The following SAMTOR variants were observed in gnomAD, a reference collection of about 807,000 sequenced individuals.
SAMTOR encodes the protein S-adenosylmethionine sensor upstream of mTORC1, also known as UPF0532 protein C7orf60.
chr7:112,929,499 A>G, the SAMTOR span, among the ~76,000 whole-genome samples: 5 of 152,010 alleles, frequency 3.3e-5, no homozygotes, highest in Non-Finnish European at 5.9e-5. Context: ...GGGTATGTAA[A>G]TTAGTACAGC....
At chr7:112,890,555 G>A in the SAMTOR span, among the ~76,000 whole-genome samples, 1 of 151,564 alleles carries the variant, frequency 6.6e-6, no homozygotes, top group Non-Finnish European at 1.5e-5. Flanking sequence ...CCATACTCAG[G>A]GGAAAAAAAG....
the SAMTOR span, among the ~76,000 whole-genome samples, chr7:112,894,163 A>AAG: frequency 5.5e-5 from 8 of 146,154 alleles, no homozygotes; most frequent in South Asian, 1.9e-3. Flanking sequence ...GGTGAAGGGA[A>AAG]AGAGAGAGAG....
At chr7:112,930,189 G>A in the SAMTOR span, among the ~76,000 whole-genome samples, 1 of 152,162 alleles carries the variant, frequency 6.6e-6, no homozygotes, top group African/African-American at 2.4e-5. Flanking sequence ...ATGACTAAGT[G>A]CAAACAAGTT....
the SAMTOR span, among the ~76,000 whole-genome samples, chr7:112,899,961 AAC>A: frequency 6.6e-6 from 1 of 152,186 alleles, no homozygotes; most frequent in Admixed American, 6.5e-5. Flanking sequence ...AAAGGATGCT[AAC>A]ACACAATAAG....
At chr7:112,931,920 CTTT>C in the SAMTOR span, among the ~76,000 whole-genome samples, 48 of 142,420 alleles carry the variant, frequency 3.4e-4, no homozygotes, top group African/African-American at 1.2e-3. Context: ...AAAACTATTA[CTTT>C]TTTTTTTTTT....
chr7:112,877,918 C>G, the SAMTOR span, among the ~76,000 whole-genome samples: 2 of 152,170 alleles, frequency 1.3e-5, no homozygotes, highest in Non-Finnish European at 2.9e-5. Context: ...TTCCCAGAAG[C>G]TGAGCAATGT....
At chr7:112,849,336 G>A in the SAMTOR span, among the ~76,000 whole-genome samples, 1 of 152,016 alleles carries the variant, frequency 6.6e-6, no homozygotes, top group Non-Finnish European at 1.5e-5. Flanking sequence ...AGTAAAAAAA[G>A]GCTCTGGAGA....
chr7:112,824,640 C>T, the SAMTOR span, among the ~76,000 whole-genome samples: 8 of 152,102 alleles, frequency 5.3e-5, no homozygotes, highest in Admixed American at 2.0e-4. Context: ...GGATTACAGG[C>T]ATGATCCACC....
the SAMTOR span, among the ~76,000 whole-genome samples, chr7:112,874,640 C>T: frequency 6.6e-6 from 1 of 152,070 alleles, no homozygotes; most frequent in Admixed American, 6.6e-5. Context: ...AAAAATAAAG[C>T]AACCAAGAGT....
At chr7:112,832,162 C>T in the SAMTOR span, among the ~76,000 whole-genome samples, 2 of 152,018 alleles carry the variant, frequency 1.3e-5, no homozygotes, top group African/African-American at 4.8e-5. Context: ...TGGGCGCTTG[C>T]CACCACGCCC....
the SAMTOR span, among the ~76,000 whole-genome samples, chr7:112,929,812 T>G: frequency 6.6e-6 from 1 of 152,082 alleles, no homozygotes; most frequent in African/African-American, 2.4e-5. Context: ...TTTACAGAGA[T>G]GCATGCATTG....
chr7:112,933,270 T>C, the SAMTOR span, among the ~76,000 whole-genome samples: 1,622 of 152,294 alleles, frequency 0.011, 30 homozygotes, highest in African/African-American at 0.037. Context: ...ATGAGATTGC[T>C]CTAGGAAATT....
the SAMTOR span, among the ~76,000 whole-genome samples, chr7:112,893,252 T>A: frequency 3.3e-5 from 5 of 152,336 alleles, no homozygotes; most frequent in East Asian, 9.7e-4. Context: ...CTTCTTCCAA[T>A]AGAAGGCTTT....
chr7:112,896,217 G>C, the SAMTOR span, among the ~76,000 whole-genome samples: 1 of 152,094 alleles, frequency 6.6e-6, no homozygotes, highest in South Asian at 2.1e-4. Context: ...GCGTGTGTGT[G>C]TTTGTATGTA....
chr7:112,939,768 C>CGCCGCCGCCCCTCAG, the SAMTOR span: 1 of 1,578,134 alleles, frequency 6.3e-7, no homozygotes, highest in South Asian at 1.1e-5. Context: ...CCGCCGCCGC[C>CGCCGCCGCCCCTCAG]GCCGCCGCCC....
the SAMTOR span, among the ~76,000 whole-genome samples, chr7:112,860,745 T>TA: frequency 1.3e-4 from 19 of 151,162 alleles, no homozygotes; most frequent in African/African-American, 3.6e-4. Context: ...CCATCTCTAC[T>TA]AAAAAAATAC....
chr7:112,922,718 G>C, the SAMTOR span, among the ~76,000 whole-genome samples: 1 of 150,208 alleles, frequency 6.7e-6, no homozygotes, highest in African/African-American at 2.5e-5. Flanking sequence ...CCCTCCGCCC[G>C]GCAGCCGCCC....
chr7:112,831,580 G>T, the SAMTOR span, among the ~76,000 whole-genome samples: 1 of 152,060 alleles, frequency 6.6e-6, no homozygotes. Flanking sequence ...ACTGGAACCC[G>T]GGAGGCATAA....
At chr7:112,869,109 A>G in the SAMTOR span, among the ~76,000 whole-genome samples, 1 of 152,192 alleles carries the variant, frequency 6.6e-6, no homozygotes, top group Non-Finnish European at 1.5e-5. Context: ...AAAGTGAAGC[A>G]CAAGCCACTG....
Sources: allele counts gnomAD v4.1 joint callset (sites outside exome capture counted in the v4.1 genomes callset), GRCh38; gene constraint gnomAD v4.1.1; transcripts MANE v1.5; gene names NCBI Gene and HGNC (gene_info 2026-07-23, HGNC 2026-07-21).